Variants in RANBP2 observed in about 807,000 individuals in gnomAD.
RANBP2 encodes E3 SUMO-protein ligase RanBP2.
RANBP2 carries 57 observed loss-of-function variants against 303.6 expected under a neutral mutation model. The ratio of observed to expected loss-of-function variants is 0.19; its 90% CI spans 0.15 to 0.23. RANBP2 has a LOEUF of 0.23. Among genes scored for constraint, RANBP2 ranks in the 10% least tolerant of loss-of-function variants. The pLI is 1.00. For missense variants in RANBP2, 3,138 were observed against 3,780.8 expected (o/e 0.83, Z 4.46); for synonymous variants, 1,167 against 1,301.5 (o/e 0.90, Z 2.23).
At chr2:109,580,642 A>C in the RANBP2 span, among the ~76,000 whole-genome samples, 166 of 152,332 alleles carry the variant, frequency 1.1e-3, 1 homozygote, top group African/African-American at 3.8e-3. Context: ...AAGAAAAATA[A>C]AGCCTGTCTT....
At chr2:109,616,168 A>G in the RANBP2 span, 4 of 1,399,030 alleles carry the variant, frequency 2.9e-6, no homozygotes, top group Admixed American at 3.4e-5. Context: ...TAAATTATGC[A>G]TTCTTACTTG....
Position 108,763,761 on chromosome 2 carries a change from A to T in RANBP2, c.3222A>T (p.Lys1074Asn). ...TTTTAGGTCTCCTGACTTCAGATAA[A>T]CCCTTGCAAGGAGATGGCTATAGTG... Reference protein sequence around the residue: ...ESLLGLLTSDKPLQGDGYSGA... With the variant: ...ESLLGLLTSDNPLQGDGYSGA... Residue 1074 changes from lysine (K) to asparagine (N), a missense_variant, in exon 20 of 29, where the codon AAA becomes AAT. Lys to Asn is a moderately conservative substitution (Grantham distance 94, BLOSUM62 0). This residue lies in a region of RANBP2 where 403 missense variants were observed against 376.7 expected (regional missense o/e 1.07). Transcript: ENST00000283195. The T allele has an allele frequency of 6.2e-7, 1 of 1,613,926 alleles. No individual in the cohort carries two copies. The highest frequency in any genetic ancestry group is 2.2e-5 in the East Asian group (1 of 44,874).
At chr2:109,066,733 T>A in the RANBP2 span, among the ~76,000 whole-genome samples, 2 of 151,898 alleles carry the variant, frequency 1.3e-5, no homozygotes, top group African/African-American at 4.8e-5. Flanking sequence ...CACTGGGGGA[T>A]GGCGGGGCAG....
the RANBP2 span, chr2:109,616,216 T>C: frequency 1.6e-6 from 2 of 1,259,824 alleles, no homozygotes; most frequent in South Asian, 5.7e-5. Context: ...CTCTTCAGGC[T>C]AGCCTTCTGG....
At chr2:108,805,287 T>A in the RANBP2 span, among the ~76,000 whole-genome samples, 1 of 152,210 alleles carries the variant, frequency 6.6e-6, no homozygotes, top group Non-Finnish European at 1.5e-5. Flanking sequence ...CTGGCTTTAA[T>A]ACTTATTATT....
At chr2:109,574,207 G>C in the RANBP2 span, among the ~76,000 whole-genome samples, 14 of 151,816 alleles carry the variant, frequency 9.2e-5, no homozygotes, top group Admixed American at 9.2e-4. Flanking sequence ...AAGAGACCAA[G>C]GAAGGAAAAT....
chr2:109,174,523 T>C, the RANBP2 span, among the ~76,000 whole-genome samples: 1 of 152,210 alleles, frequency 6.6e-6, no homozygotes, highest in South Asian at 2.1e-4. Context: ...CGGGCAGTCC[T>C]GGAATCAAAG....
chr2:108,897,269 C>T, the RANBP2 span: 1 of 1,566,160 alleles, frequency 6.4e-7, no homozygotes, highest in Non-Finnish European at 8.8e-7. Flanking sequence ...TTGCAAGTCA[C>T]AGTCAATAGA....
chr2:109,163,067 G>A, the RANBP2 span, among the ~76,000 whole-genome samples: 2 of 152,310 alleles, frequency 1.3e-5, no homozygotes, highest in East Asian at 1.9e-4. Flanking sequence ...CCGCCAAATA[G>A]GAGGCTGAAG....
the RANBP2 span, among the ~76,000 whole-genome samples, chr2:108,929,719 A>C: frequency 6.6e-6 from 1 of 152,194 alleles, no homozygotes; most frequent in African/African-American, 2.4e-5. Context: ...GAAACCCCGG[A>C]GGTTTCCCTT....
the RANBP2 span, among the ~76,000 whole-genome samples, chr2:109,078,272 A>ATATATATATATATATAGCG: frequency 2.9e-5 from 1 of 34,572 alleles, no homozygotes; most frequent in African/African-American, 1.3e-4. Context: ...TAGCGCGTAT[A>ATATATATATATATATAGCG]TATATATATA....
chr2:108,907,926 C>T, the RANBP2 span: 8 of 1,613,598 alleles, frequency 5.0e-6, no homozygotes, highest in Non-Finnish European at 6.8e-6. Flanking sequence ...GCAGGCACAG[C>T]TCCGGGGAGC....
chr2:109,615,129 C>T, the RANBP2 span: 2 of 1,549,726 alleles, frequency 1.3e-6, no homozygotes, highest in East Asian at 2.4e-5. Flanking sequence ...GGGCAGCTCC[C>T]CGCAGCTGAA....
chr2:109,502,556 A>G, the RANBP2 span: 7 of 151,906 alleles, frequency 4.6e-5, no homozygotes, highest in Admixed American at 4.6e-4. Context: ...GCTGGCCAGT[A>G]CTCTGGGGGC....
chr2:109,619,935 G>C, the RANBP2 span, among the ~76,000 whole-genome samples: 1 of 152,104 alleles, frequency 6.6e-6, no homozygotes, highest in Non-Finnish European at 1.5e-5. Flanking sequence ...ACAGAAACTT[G>C]TTTCTCAAGA....
At chr2:109,727,791 T>C in the RANBP2 span, among the ~76,000 whole-genome samples, 14 of 152,340 alleles carry the variant, frequency 9.2e-5, no homozygotes, top group Admixed American at 7.2e-4. Flanking sequence ...GGCTTCCCTT[T>C]GGCCATGGCA....
the RANBP2 span, among the ~76,000 whole-genome samples, chr2:108,915,502 G>A: frequency 0.057 from 8,683 of 152,290 alleles, 292 homozygotes; most frequent in South Asian, 0.11. Context: ...TTGTGTTTCT[G>A]GATGATGAAT....
chr2:108,809,479 TG>T, the RANBP2 span, among the ~76,000 whole-genome samples: 6 of 150,680 alleles, frequency 4.0e-5, no homozygotes, highest in African/African-American at 1.2e-4. Context: ...TGTGTGTGTG[TG>T]TGTGTGTGAT....
the RANBP2 span, among the ~76,000 whole-genome samples, chr2:109,407,205 G>A: frequency 6.6e-6 from 1 of 152,168 alleles, no homozygotes; most frequent in African/African-American, 2.4e-5. Context: ...TCTCTGTTCT[G>A]GAGAGCACCA....
Sources: gnomAD v4.1 joint callset for allele counts (sites outside exome capture counted in the v4.1 genomes callset) on GRCh38, gnomAD v4.1.1 for gene constraint, gnomAD v4.1.1 regional missense constraint, MANE v1.5 for transcripts, NCBI Gene and HGNC (gene_info 2026-07-23, HGNC 2026-07-21) for gene names.